ASGR1: variants seen among roughly 807,000 people sequenced by gnomAD.
ASGR1 encodes C-type lectin domain family 4 member H1.
Under a neutral mutation model 33.1 loss-of-function variants are expected in ASGR1, and 35 were observed. That is an observed-to-expected ratio of 1.06 (90% CI 0.81 to 1.40). ASGR1 has a LOEUF of 1.40. ASGR1 is among the 40% of genes most tolerant of loss of function. The pLI is 0.00. For missense variants in ASGR1, 396 were observed against 373.7 expected, an observed-to-expected ratio of 1.06 and a Z score of -0.49; for synonymous variants, 142 against 152.5, an observed-to-expected ratio of 0.93 and a Z score of 0.51.
Position 7,173,614 on chromosome 17 carries a change from C to A in ASGR1, c.*45G>T. On this transcript the variant is annotated 3_prime_UTR_variant, in exon 9 of 9. Coordinates refer to ENST00000269299, the MANE Select transcript of ASGR1 (RefSeq NM_001671.5). The surrounding 1 kb of genome is among the most constrained non-coding windows in gnomAD (Gnocchi z 4.7). ...AAGAGGCCCCCAGATGGGCGGATTCCCAATCCCGGACCCCTGCGGCAGGTC... is the reference window on the plus strand; with the variant it reads ...AAGAGGCCCCCAGATGGGCGGATTCACAATCCCGGACCCCTGCGGCAGGTC... 1 of 1,610,230 alleles carries A rather than the reference C, an allele frequency of 6.2e-7. No homozygotes were observed. Among genetic ancestry groups the A allele is most frequent in the Non-Finnish European group, 8.5e-7 (1 of 1,179,672 alleles).
chr17:7,173,794 G>T lies in ASGR1; in HGVS notation c.741C>A (p.His247Gln). Residue 247 changes from histidine (H) to glutamine (Q), a missense_variant, in exon 9 of 9, where the codon CAC becomes CAA. Transcript: ENST00000269299. This position sits in a 1 kb window ranked among gnomAD's most constrained non-coding sequence, Gnocchi z 4.7. ...CACAGTCCTCGCCTCCTCCGAGCCC[G>T]TGGCCGTACCAGTCGTCCGGCTGCT... Reference protein sequence around the residue: ...RPEQPDDWYGHGLGGGEDCAH... With the variant: ...RPEQPDDWYGQGLGGGEDCAH... The T allele has an allele frequency of 6.2e-7, 1 of 1,612,306 alleles. No individual in the cohort carries two copies.
At position 7,173,692 on chromosome 17, in the gene ASGR1, C is replaced by T. The variant is rs1379299076; in HGVS notation, c.843G>A (p.Leu281=). 1 of 1,613,812 alleles carries T rather than the reference C, an allele frequency of 6.2e-7. No individual in the cohort carries two copies. The highest frequency in any genetic ancestry group is 8.5e-7 in the Non-Finnish European group (1 of 1,180,040). The change falls in exon 9 of 9, where the codon CTG becomes CTA. Residue 281 remains leucine (L), a synonymous_variant. Transcript: ENST00000269299. The surrounding 1 kb of genome is among the most constrained non-coding windows in gnomAD (Gnocchi z 4.7). ...RPYRWVCETE[L]DKASQEPPLL is the part of the protein sequence containing the mutation. ...GAGGTGGCTCCTGGCTGGCCTTGTCCAGCTCTGTCTCGCAGACCCAGCGGT... is the reference window on the plus strand; with the variant it reads ...GAGGTGGCTCCTGGCTGGCCTTGTCTAGCTCTGTCTCGCAGACCCAGCGGT...
At chr17:7,176,667 A>C in intron 5 of ASGR1, 163 bp downstream of exon 5, 1 of 995,194 alleles carries the variant, frequency 1.0e-6, no homozygotes, top group Non-Finnish European at 1.5e-6. Flanking sequence ...TCATACACAC[A>C]CCCAAAACAC....
At chr17:7,176,174 C>T (rs550133074) in intron 5 of ASGR1, among the ~76,000 whole-genome samples, 1 of 149,472 alleles carries the variant, frequency 6.7e-6, no homozygotes, top group East Asian at 2.0e-4. Context: ...CACACCCCAT[C>T]TCATTCTCAC....
intron 3 of ASGR1, 49 bp from the exon 4 acceptor site, chr17:7,177,125 C>T (rs745308724): frequency 6.2e-7 from 1 of 1,612,884 alleles, no homozygotes; most frequent in Non-Finnish European, 8.5e-7. Context: ...GCTGTGTCCG[C>T]CACCACTGCA....
At position 7,178,550 on chromosome 17, in the gene ASGR1, T is replaced by C; in HGVS notation, c.14A>G (p.Tyr5Cys). MTKE[Y>C]QDLQHLDNEE... ...ATTGTCCAGATGCTGAAGGTCTTGA[T>C]ACTCCTTGGTCATGATAGGGCTGGC... The change falls in exon 2 of 9, where the codon TAT (tyrosine) becomes TGT (cysteine). Residue 5 changes from tyrosine to cysteine, a missense_variant. Tyr to Cys is a radical substitution (Grantham distance 194). Transcript: ENST00000269299. The C allele has an allele frequency of 6.2e-7, 1 of 1,613,988 alleles. No individual in the cohort carries two copies. Among genetic ancestry groups the C allele is most frequent in the South Asian group, 1.1e-5 (1 of 91,060 alleles).
chr17:7,175,604 TCA>T (rs367801046), intron 5 of ASGR1, among the ~76,000 whole-genome samples: 5,344 of 150,886 alleles, frequency 0.035, 180 homozygotes, highest in African/African-American at 0.085. Context: ...ACTTACATTC[TCA>T]CACACGCAAC....
chr17:7,174,506 C>T (rs776770510), intron 5 of ASGR1, 46 bp from the exon 6 acceptor site: 4 of 1,579,488 alleles, frequency 2.5e-6, no homozygotes, highest in African/African-American at 1.3e-5. Flanking sequence ...GCGGAAACCA[C>T]GGGGAGGGAA....
intron 5 of ASGR1, among the ~76,000 whole-genome samples, chr17:7,175,811 T>G (rs919560298): frequency 6.8e-6 from 1 of 147,906 alleles, no homozygotes; most frequent in Non-Finnish European, 1.5e-5. Flanking sequence ...CCTCTCATTC[T>G]CACAGACACA....
rs767653805 is a variant in ASGR1 at position 7,174,378 on chromosome 17, G to C, written c.438C>G (p.Gly146=). 1 of 1,613,976 alleles carries C rather than the reference G, an allele frequency of 6.2e-7. No individual in the cohort carries two copies. The highest frequency in any genetic ancestry group is 8.5e-7 in the Non-Finnish European group (1 of 1,179,970). ...GGGCCGGGCTGGCCTCCTTACCATT[G>C]CCCTGGAGCGCCGCCATCTGACAGC... ...SLSCQMAALQ[G]NGSERTCCPV... Residue 146 remains glycine, a synonymous_variant, in exon 6 of 9, where the codon GGC becomes GGG. Coordinates refer to ENST00000269299, the MANE Select transcript of ASGR1 (RefSeq NM_001671.5).
chr17:7,178,145 G>A, intron 2 of ASGR1: 1 of 328,798 alleles, frequency 3.0e-6, no homozygotes, highest in Non-Finnish European at 5.8e-6. Flanking sequence ...CACGACCGGG[G>A]TCCCTGGGTG....
chr17:7,174,125 T>G lies in ASGR1; in HGVS notation c.594+13A>C. The G allele has an allele frequency of 6.2e-7, 1 of 1,613,984 alleles. No homozygotes were observed. The highest frequency in any genetic ancestry group is 8.5e-7 in the Non-Finnish European group (1 of 1,179,904). On this transcript the variant is annotated intron_variant, in intron 7 of 8. Coordinates refer to ENST00000269299, the MANE Select transcript of ASGR1 (RefSeq NM_001671.5). ...CGAGGCCAGCCAGCCTCCCAGACCC[T>G]CCGGGTCCTCACCTGCTCCTCCCAG...
intron 4 of ASGR1, 35 bp from the exon 5 acceptor site, chr17:7,176,936 C>CCCCCAGCCCCAG (rs754165241): frequency 1.7e-5 from 28 of 1,608,614 alleles, no homozygotes; most frequent in East Asian, 8.9e-5. Context: ...TCCCGACAGC[C>CCCCCAGCCCCAG]CCCCAGCCCC....
At chr17:7,176,509 A>C (rs930229760) in intron 5 of ASGR1, 1 of 456,408 alleles carries the variant, frequency 2.2e-6, no homozygotes. Context: ...ACACTCAGAC[A>C]CACACCCCCT....
At chr17:7,175,618 C>T (rs1292704065) in intron 5 of ASGR1, among the ~76,000 whole-genome samples, 4 of 151,366 alleles carry the variant, frequency 2.6e-5, no homozygotes, top group African/African-American at 9.8e-5. Context: ...ACACGCAACA[C>T]ACTAACACAC....
intron 1 of ASGR1, 51 bp from the exon 2 acceptor site, chr17:7,178,639 G>A: frequency 1.5e-6 from 2 of 1,344,004 alleles, no homozygotes; most frequent in East Asian, 2.4e-5. Flanking sequence ...CAGGACTAGA[G>A]TGGGAATGAG....
chr17:7,174,208 C>T lies in ASGR1; in HGVS notation c.524G>A (p.Trp175Ter). The T allele has an allele frequency of 6.2e-7, 1 of 1,614,244 alleles. No individual in the cohort carries two copies. Residue 175 changes from tryptophan to a stop codon, truncating the protein, a stop_gained, in exon 7 of 9, where the codon TGG (tryptophan) becomes TAG (stop). Transcript: ENST00000269299. LOFTEE classifies it high-confidence loss of function. ...CYWFSRSGKA[W>*]ADADNYCRLE... ...CCGGCAGTAGTTGTCGGCGTCAGCCCAGGCCTTCCCGGAGCGAGAGAACCA... is the reference window on the plus strand; with the variant it reads ...CCGGCAGTAGTTGTCGGCGTCAGCCTAGGCCTTCCCGGAGCGAGAGAACCA...
chr17:7,178,709 C>A, intron 1 of ASGR1, 121 bp from the exon 2 acceptor site: 6 of 490,006 alleles, frequency 1.2e-5, no homozygotes, highest in African/African-American at 2.1e-5. Flanking sequence ...TTTCTTCTTT[C>A]TTTCTTTTCT....
intron 5 of ASGR1, among the ~76,000 whole-genome samples, chr17:7,176,433 TCA>T (rs554780938): frequency 0.012 from 1,663 of 141,692 alleles, 15 homozygotes; most frequent in Non-Finnish European, 0.017. Flanking sequence ...TCCGTCATTC[TCA>T]CACTCTCACA....
Sources: allele counts gnomAD v4.1 joint callset (sites outside exome capture counted in the v4.1 genomes callset), GRCh38; gene constraint gnomAD v4.1.1; non-coding constraint Gnocchi (gnomAD v3.1); transcripts MANE v1.5; gene names NCBI Gene and HGNC (gene_info 2026-07-23, HGNC 2026-07-21).